GABRG3: variants seen among roughly 807,000 people sequenced by gnomAD.
The protein encoded by GABRG3 is gamma-aminobutyric acid type A receptor subunit gamma3.
GABRG3 carries 25 observed loss-of-function variants against 48.8 expected under a neutral mutation model. The observed-to-expected ratio is 0.51, with a 90% CI of 0.37 to 0.72. The LOEUF (loss-of-function observed/expected upper bound fraction) is 0.72. Ranked by LOEUF, GABRG3 falls within the 30% of genes least tolerant of loss-of-function variation. GABRG3 has a pLI of 0.00. For missense variants in GABRG3, 394 were observed against 577.9 expected (o/e 0.68, Z 3.26); for synonymous variants, 227 against 217.6 (o/e 1.04, Z -0.38).
chr15:26,990,436 A>G (rs1044948720), intron 2 of GABRG3, among the ~76,000 whole-genome samples: 6 of 152,174 alleles, frequency 3.9e-5, no homozygotes, highest in Admixed American at 1.3e-4. Flanking sequence ...AGAAATATCT[A>G]TTAGAATCTT....
chr15:27,029,651 T>C (rs1053105568), intron 3 of GABRG3, among the ~76,000 whole-genome samples: 1 of 152,142 alleles, frequency 6.6e-6, no homozygotes, highest in Non-Finnish European at 1.5e-5. Flanking sequence ...ATCCGACTAG[T>C]GTGAGGCATT....
chr15:27,155,931 A>T (rs959851183), intron 3 of GABRG3, among the ~76,000 whole-genome samples: 1 of 152,092 alleles, frequency 6.6e-6, no homozygotes, highest in Non-Finnish European at 1.5e-5. Context: ...CTCCTTACTC[A>T]GCCTTTGTGA....
At chr15:27,210,992 A>G (rs1889060537) in intron 3 of GABRG3, among the ~76,000 whole-genome samples, 2 of 152,198 alleles carry the variant, frequency 1.3e-5, no homozygotes, top group South Asian at 2.1e-4. Flanking sequence ...GAAATAAAAG[A>G]GGGGGTAGAG....
intron 3 of GABRG3, among the ~76,000 whole-genome samples, chr15:27,178,708 T>A (rs1023869070): frequency 6.6e-6 from 1 of 152,182 alleles, no homozygotes; most frequent in East Asian, 1.9e-4. Context: ...AAGGGTGTGA[T>A]CTAATGGTCA....
intron 5 of GABRG3, among the ~76,000 whole-genome samples, chr15:27,336,113 C>G (rs1053897424): frequency 6.6e-6 from 1 of 151,810 alleles, no homozygotes; most frequent in Non-Finnish European, 1.5e-5. Context: ...CACTTGAACC[C>G]TGGAGGCAGA....
At chr15:27,093,666 G>T (rs145738795) in intron 3 of GABRG3, among the ~76,000 whole-genome samples, 3 of 152,178 alleles carry the variant, frequency 2.0e-5, no homozygotes, top group African/African-American at 7.2e-5. Flanking sequence ...AAAGATATCA[G>T]GCTAGAAAAT....
chr15:27,154,450 A>G (rs1359337067), intron 3 of GABRG3, among the ~76,000 whole-genome samples: 5 of 152,116 alleles, frequency 3.3e-5, no homozygotes, highest in Non-Finnish European at 5.9e-5. Context: ...GTAACTCACC[A>G]TTACCTGCAA....
In GABRG3 at chr15:27,438,753, G is replaced by A. The variant is rs192747831; in HGVS notation, c.575-41897G>A. Among the ~76,000 whole-genome samples, 316 of 152,342 alleles carry A rather than the reference G, an allele frequency of 2.1e-3. 2 individuals carry two copies. Among genetic ancestry groups the A allele is most frequent in the Admixed American group, 3.3e-3 (51 of 15,302 alleles). On this transcript the variant is annotated intron_variant, in intron 5 of 9. Transcript: ENST00000615808. ...AAGAGCTACGTTTTTCTTCAAAACA[G>A]CCACTGTTGAATCTCAAAAATCATC...
chr15:27,248,514 C>T (rs895260179), intron 3 of GABRG3, among the ~76,000 whole-genome samples: 1 of 152,106 alleles, frequency 6.6e-6, no homozygotes, highest in Non-Finnish European at 1.5e-5. Flanking sequence ...CAAAGAACTA[C>T]AGTAAAATTC....
chr15:27,482,618 A>G (rs538328870), intron 6 of GABRG3, among the ~76,000 whole-genome samples: 2 of 149,764 alleles, frequency 1.3e-5, no homozygotes, highest in Non-Finnish European at 3.0e-5. Context: ...TATGGCAGTA[A>G]CACACTTACT....
chr15:27,133,456 C>T (rs987295138), intron 3 of GABRG3, among the ~76,000 whole-genome samples: 6 of 152,160 alleles, frequency 3.9e-5, no homozygotes, highest in Non-Finnish European at 8.8e-5. Flanking sequence ...GTAGCCATTG[C>T]CCAAGGCGCT....
At chr15:27,417,002 A>G (rs1419981886) in intron 5 of GABRG3, among the ~76,000 whole-genome samples, 1 of 152,244 alleles carries the variant, frequency 6.6e-6, no homozygotes, top group Non-Finnish European at 1.5e-5. Flanking sequence ...TTAATAAAAT[A>G]AAGTAATCAA....
At chr15:27,529,887 ATT>A in intron 9 of GABRG3, among the ~76,000 whole-genome samples, 1 of 150,658 alleles carries the variant, frequency 6.6e-6, no homozygotes, top group African/African-American at 2.5e-5. Flanking sequence ...TGAGCAGAAA[ATT>A]AAAAAAAAAA....
In GABRG3 at chr15:27,527,954, A is replaced by C. The variant is rs200568627; in HGVS notation, c.1084A>C (p.Arg362=). Residue 362 remains arginine, a synonymous_variant, in exon 9 of 10, where the codon AGA becomes CGA. Transcript: ENST00000615808. ...TTSLLHPDSS[R]WIPERISLQA... ...GTAGTTACTACATCCAGATTCCTCA[A>C]GATGGATTCCTGAGCGAATAAGCCT... is the stretch of plus-strand genomic sequence containing the variant. 6 of 1,594,252 alleles carry C rather than the reference A, an allele frequency of 3.8e-6. No homozygotes were observed. The African/African-American group carries it at 8.0e-5, about 21-fold the overall frequency.
rs1293106870 is a variant in GABRG3, at chr15:27,518,198, A to G, written c.713-1774A>G. ...AACCCCAACTCTACTAAAAATACAA[A>G]AAAAAAAAAAAAAAAAAAGAATTAG... On this transcript the variant is annotated intron_variant, in intron 6 of 9. Transcript: ENST00000615808. 9.6e-5 allele frequency among the ~76,000 whole-genome samples: 13 copies of G among 135,872 alleles called. No individual in the cohort carries two copies. The East Asian group carries it at 1.2e-3, about 13-fold the overall frequency. The allele number at this position is 135,872 out of a possible 152,430, so 89.1% of individuals were successfully genotyped here.
intron 2 of GABRG3, among the ~76,000 whole-genome samples, chr15:27,022,814 C>G (rs1440106522): frequency 6.6e-6 from 1 of 152,164 alleles, no homozygotes; most frequent in Non-Finnish European, 1.5e-5. Flanking sequence ...CCAAGCTCTC[C>G]TCACTGGCTT....
intron 3 of GABRG3, among the ~76,000 whole-genome samples, chr15:27,297,094 A>T (rs1892017598): frequency 6.6e-6 from 1 of 152,152 alleles, no homozygotes; most frequent in African/African-American, 2.4e-5. Flanking sequence ...AAAAAGATTT[A>T]AAAATTTTAA....
At chr15:27,128,593 TG>T (rs1184736614) in intron 3 of GABRG3, among the ~76,000 whole-genome samples, 2 of 152,234 alleles carry the variant, frequency 1.3e-5, no homozygotes, top group Non-Finnish European at 2.9e-5. Flanking sequence ...TTTATATATT[TG>T]GATGGGGCAT....
At chr15:27,313,371 G>A (rs569191406) in intron 3 of GABRG3, among the ~76,000 whole-genome samples, 34 of 140,720 alleles carry the variant, frequency 2.4e-4, no homozygotes, top group South Asian at 4.7e-4. Context: ...GGAAGACACC[G>A]ATAGAAATAC....
Sources: allele counts gnomAD v4.1 joint callset (sites outside exome capture counted in the v4.1 genomes callset), GRCh38; gene constraint gnomAD v4.1.1; transcripts MANE v1.5; gene names NCBI Gene and HGNC (gene_info 2026-07-23, HGNC 2026-07-21).